ERCC1: variants seen among roughly 807,000 people sequenced by gnomAD.
ERCC1 encodes the protein DNA excision repair protein ERCC-1.
A neutral mutation model predicts 37.6 loss-of-function variants in ERCC1; 36 were observed. The ratio of observed to expected loss-of-function variants is 0.96; its 90% CI spans 0.73 to 1.26. ERCC1 has a LOEUF of 1.26. Ranked by LOEUF, ERCC1 falls within the 50% of genes most tolerant of loss-of-function variation. The pLI is 0.00. For missense variants in ERCC1, 349 were observed against 376.5 expected, an observed-to-expected ratio of 0.93 and a Z score of 0.60; for synonymous variants, 156 against 162.1, an observed-to-expected ratio of 0.96 and a Z score of 0.28.
At position 45,420,156 on chromosome 19, in the gene ERCC1, C is replaced by A. The variant is rs987859330; in HGVS notation, c.425+168G>T. Reference sequence around the variant, plus strand: ...GCTCCAGCTCTTGTTGCACTGGGCACCTCCAGGCCAAGACCCCCTGCCTCC... The same window carrying A: ...GCTCCAGCTCTTGTTGCACTGGGCAACTCCAGGCCAAGACCCCCTGCCTCC... On this transcript the variant is annotated intron_variant, in intron 4 of 9. Coordinates refer to ENST00000300853, the MANE Select transcript of ERCC1 (RefSeq NM_001983.4). This position sits in a 1 kb window ranked among gnomAD's most constrained non-coding sequence, Gnocchi z 4.8. 7.9e-5 allele frequency among the ~76,000 whole-genome samples: 12 copies of A among 152,132 alleles called. No homozygotes were observed. The highest frequency in any genetic ancestry group is 2.7e-4 in the African/African-American group (11 of 41,422).
intron 1 of ERCC1, among the ~76,000 whole-genome samples, chr19:45,451,512 C>G (rs1002893394): frequency 6.6e-6 from 1 of 152,188 alleles, no homozygotes; most frequent in African/African-American, 2.4e-5. Context: ...GACAGGCAGC[C>G]CGTGGTCCTT....
In ERCC1 at chr19:45,409,599, C is replaced by T. The variant is rs2123437934; in HGVS notation, c.*76G>A. 6.3e-7 allele frequency: 1 copy of T among 1,576,934 alleles called. No individual in the cohort carries two copies. The highest frequency in any genetic ancestry group is 1.1e-5 in the South Asian group (1 of 87,398). On this transcript the variant is annotated 3_prime_UTR_variant, in exon 10 of 10. Coordinates refer to ENST00000300853, the MANE Select transcript of ERCC1 (RefSeq NM_001983.4). ...CAGAATCCCTCCCCAGAGACTGCAC[C>T]AGCGCAGCCAGCAGGAGCCTGGCCT...
Position 45,407,959 on chromosome 19 carries a change from C to T in ERCC1, c.*1716G>A. On this transcript the variant is annotated 3_prime_UTR_variant, in exon 10 of 10. Transcript: ENST00000300853. ...ATCCCAGCTACTTGAGAGGCTGAGG[C>T]AGGAGAATCGCTTGAACCCAGGAGG... The T allele has an allele frequency of 1.3e-6, 1 of 780,452 alleles. No individual in the cohort carries two copies. The highest frequency in any genetic ancestry group is 3.0e-5 in the South Asian group (1 of 33,334). The allele number at this position is 780,452 out of a possible 1,614,324, so 48.3% of individuals were successfully genotyped here.
chr19:45,430,645 G>T (rs897412276), intron 1 of ERCC1, among the ~76,000 whole-genome samples: 3 of 152,132 alleles, frequency 2.0e-5, no homozygotes, highest in African/African-American at 7.2e-5. Context: ...GGGCGCGGTG[G>T]CTCATGCCTG....
chr19:45,448,306 G>T (rs530087330), intron 1 of ERCC1, among the ~76,000 whole-genome samples: 1 of 152,290 alleles, frequency 6.6e-6, no homozygotes, highest in Non-Finnish European at 1.5e-5. Context: ...ACAGAGAAGA[G>T]TCAAGGCCCA....
intron 1 of ERCC1, among the ~76,000 whole-genome samples, chr19:45,438,681 G>A (rs937908799): frequency 4.6e-5 from 7 of 151,456 alleles, no homozygotes; most frequent in Non-Finnish European, 7.4e-5. Flanking sequence ...TGTTCTTTTT[G>A]CCCAGGCTGG....
intron 1 of ERCC1, among the ~76,000 whole-genome samples, chr19:45,439,931 A>G (rs1271104760): frequency 1.3e-5 from 2 of 152,120 alleles, no homozygotes; most frequent in Non-Finnish European, 2.9e-5. Context: ...CAGCTCCGCT[A>G]AAAATAGTTG....
At chr19:45,443,837 T>C (rs1177022589) in intron 1 of ERCC1, among the ~76,000 whole-genome samples, 1 of 152,114 alleles carries the variant, frequency 6.6e-6, no homozygotes, top group African/African-American at 2.4e-5. Context: ...TACCCTCCTG[T>C]GGCCCTGCAG....
chr19:45,431,485 C>G (rs375966876), intron 1 of ERCC1, among the ~76,000 whole-genome samples: 10 of 152,120 alleles, frequency 6.6e-5, no homozygotes, highest in African/African-American at 2.4e-4. Flanking sequence ...CAAGACCAGC[C>G]TGACCAACAC....
At chr19:45,424,156 T>TA, upstream of ERCC1, 2 of 612,778 alleles carry the variant, frequency 3.3e-6, no homozygotes, top group Non-Finnish European at 4.2e-6. Context: ...CTCCTCTCAG[T>TA]AAGGAGAGAC....
In ERCC1 at chr19:45,423,833, T is replaced by C. The variant is rs1974592080; in HGVS notation, c.-60A>G. The C allele has an allele frequency of 8.8e-7, 1 of 1,136,982 alleles. No homozygotes were observed. Among genetic ancestry groups the C allele is most frequent in the Non-Finnish European group, 1.1e-6 (1 of 919,074 alleles). 70.4% of individuals were successfully genotyped at this position (1,136,982 alleles called of 1,614,324 possible). On this transcript the variant is annotated 5_prime_UTR_variant, in exon 1 of 10. Coordinates refer to ENST00000300853, the MANE Select transcript of ERCC1 (RefSeq NM_001983.4). ...GCCGCGAGGCCTCACCTGCTGGTCT[T>C]GGAGCCTCAAGGGAAAGACTGCAGA...
chr19:45,443,639 G>T (rs1975178650), intron 1 of ERCC1, among the ~76,000 whole-genome samples: 1 of 152,112 alleles, frequency 6.6e-6, no homozygotes, highest in African/African-American at 2.4e-5. Context: ...GCCGGGCAGG[G>T]TTACACAACC....
chr19:45,429,976 G>T (rs1974793338), intron 1 of ERCC1, among the ~76,000 whole-genome samples: 1 of 152,172 alleles, frequency 6.6e-6, no homozygotes, highest in Non-Finnish European at 1.5e-5. Context: ...TAGAGATGGG[G>T]TTTCACCATG....
chr19:45,414,915 C>T lies in ERCC1; in HGVS notation c.648G>A (p.Glu216=). The T allele has an allele frequency of 6.2e-7, 1 of 1,614,008 alleles. No individual in the cohort carries two copies. Among genetic ancestry groups the T allele is most frequent in the Non-Finnish European group, 8.5e-7 (1 of 1,179,922 alleles). Residue 216 remains glutamate, a synonymous_variant, in exon 7 of 10, where the codon GAG becomes GAA. Transcript: ENST00000300853. ...GRYLETYKAY[E]QKPADLLMEK... The stretch of plus-strand genomic sequence containing the variant: ...CCATCAGGAGGTCCGCTGGTTTCTG[C>T]TCATAGGCCTTGTAGGTCTCCAGGT...
chr19:45,431,349 C>A (rs1974825786), intron 1 of ERCC1, among the ~76,000 whole-genome samples: 1 of 152,088 alleles, frequency 6.6e-6, no homozygotes, highest in Non-Finnish European at 1.5e-5. Context: ...TTTGGGAGGT[C>A]AAGGTGGGAG....
At chr19:45,431,137 T>A (rs1254539971) in intron 1 of ERCC1, among the ~76,000 whole-genome samples, 1 of 152,134 alleles carries the variant, frequency 6.6e-6, no homozygotes, top group African/African-American at 2.4e-5. Context: ...GTATTTTTAG[T>A]AGAAACGGGG....
At chr19:45,423,679 A>G (rs1016222816) in intron 1 of ERCC1, 102 bp downstream of exon 1, 1 of 1,255,578 alleles carries the variant, frequency 8.0e-7, no homozygotes. Flanking sequence ...CGAGGCTAGC[A>G]TCTGGACGCC....
At chr19:45,439,529 T>C (rs1376154077) in intron 1 of ERCC1, among the ~76,000 whole-genome samples, 1 of 152,114 alleles carries the variant, frequency 6.6e-6, no homozygotes, top group East Asian at 1.9e-4. Context: ...CGAGATTCTA[T>C]CTCAAAGAAA....
chr19:45,423,655 GT>G, intron 1 of ERCC1, 125 bp downstream of exon 1: 1 of 1,281,078 alleles, frequency 7.8e-7, no homozygotes, highest in Non-Finnish European at 1.0e-6. Context: ...CCCGCCTTCC[GT>G]TCGTCCGGCC....
Sources: allele counts gnomAD v4.1 joint callset (sites outside exome capture counted in the v4.1 genomes callset), GRCh38; gene constraint gnomAD v4.1.1; non-coding constraint Gnocchi (gnomAD v3.1); transcripts MANE v1.5; gene names NCBI Gene and HGNC (gene_info 2026-07-23, HGNC 2026-07-21).